Variants in TMC1 observed in about 807,000 individuals in gnomAD.
TMC1 encodes transmembrane channel-like protein 1.
TMC1 carries 84 observed loss-of-function variants against 105.8 expected under a neutral mutation model. The observed-to-expected ratio is 0.79, with a 90% CI of 0.67 to 0.95. The LOEUF (loss-of-function observed/expected upper bound fraction) is 0.95. Among genes scored for constraint, TMC1 ranks in the 40% least tolerant of loss-of-function variants. The pLI, the probability that TMC1 is intolerant of heterozygous loss-of-function variation, is 0.00. For synonymous variants in TMC1, 315 were observed against 311.5 expected, an observed-to-expected ratio of 1.01 and a Z score of -0.12; for missense variants, 817 against 914.1, an observed-to-expected ratio of 0.89 and a Z score of 1.37.
intron 17 of TMC1, among the ~76,000 whole-genome samples, chr9:72,799,473 T>G (rs1828432820): frequency 6.6e-6 from 1 of 152,022 alleles, no homozygotes. Context: ...AAGAAAAAAA[T>G]AAGATAAATG....
At chr9:72,825,014 A>G (rs1379990358) in intron 20 of TMC1, among the ~76,000 whole-genome samples, 2 of 152,224 alleles carry the variant, frequency 1.3e-5, no homozygotes, top group Non-Finnish European at 2.9e-5. Flanking sequence ...CTGCTATTAT[A>G]TTGGTCATTT....
At chr9:72,552,919 A>G (rs1212423855) in intron 1 of TMC1, among the ~76,000 whole-genome samples, 1 of 152,176 alleles carries the variant, frequency 6.6e-6, no homozygotes, top group Non-Finnish European at 1.5e-5. Context: ...AAATATACAT[A>G]TATACACACG....
chr9:72,541,224 C>G (rs933057777), intron 1 of TMC1, among the ~76,000 whole-genome samples: 3 of 152,202 alleles, frequency 2.0e-5, no homozygotes, highest in African/African-American at 7.2e-5. Flanking sequence ...TTTACACCAA[C>G]CAGTGTTATC....
At chr9:72,564,077 G>A (rs1824105345) in intron 1 of TMC1, among the ~76,000 whole-genome samples, 1 of 152,074 alleles carries the variant, frequency 6.6e-6, no homozygotes, top group South Asian at 2.1e-4. Context: ...CACTTGTGGG[G>A]AAAGAAGAAA....
intron 23 of TMC1, among the ~76,000 whole-genome samples, chr9:72,831,104 G>A (rs1435791069): frequency 3.9e-5 from 6 of 152,076 alleles, no homozygotes; most frequent in Admixed American, 3.9e-4. Flanking sequence ...ACCACTGATT[G>A]CCAGAAGCCC....
At chr9:72,688,023 T>C (rs1009046240) in intron 5 of TMC1, among the ~76,000 whole-genome samples, 2 of 152,250 alleles carry the variant, frequency 1.3e-5, no homozygotes, top group African/African-American at 4.8e-5. Flanking sequence ...TATGCCTTTA[T>C]AAAAATGAAG....
chr9:72,708,857 A>C lies in TMC1; in HGVS notation c.362+8214A>C, dbSNP rs1826787212. 1.3e-5 allele frequency among the ~76,000 whole-genome samples: 2 copies of C among 152,174 alleles called. 1 individual carries two copies. The highest frequency in any genetic ancestry group is 4.2e-4 in the South Asian group (2 of 4,812). ...GTTCTCAGAGGGAATGCTTTCAACT[A>C]TTCCCTGTTCAGTATTATGTTGGCT... On this transcript the variant is annotated intron_variant, in intron 8 of 23. Coordinates refer to ENST00000297784, the MANE Select transcript of TMC1 (RefSeq NM_138691.3).
chr9:72,778,331 C>T (rs1033374189), intron 13 of TMC1, among the ~76,000 whole-genome samples: 5 of 152,128 alleles, frequency 3.3e-5, no homozygotes, highest in African/African-American at 1.2e-4. Context: ...AGGATGTAGA[C>T]TCTGTGCTGA....
intron 8 of TMC1, among the ~76,000 whole-genome samples, chr9:72,734,643 C>T (rs571392882): frequency 1.9e-3 from 293 of 152,144 alleles, no homozygotes; most frequent in Middle Eastern, 6.8e-3. Context: ...AAGCCAGATT[C>T]TCTGGACTAT....
chr9:72,770,396 T>C (rs1827906387), intron 12 of TMC1, among the ~76,000 whole-genome samples: 1 of 146,602 alleles, frequency 6.8e-6, no homozygotes, highest in Non-Finnish European at 1.5e-5. Flanking sequence ...TATATATATA[T>C]ATATGCATAT....
At chr9:72,641,138 G>A (rs187116779) in intron 4 of TMC1, among the ~76,000 whole-genome samples, 5 of 152,142 alleles carry the variant, frequency 3.3e-5, no homozygotes, top group African/African-American at 1.2e-4. Context: ...CTGTTGCCCA[G>A]TCTGGAATGC....
intron 1 of TMC1, among the ~76,000 whole-genome samples, chr9:72,563,898 TC>T (rs1236063054): frequency 2.6e-4 from 5 of 19,392 alleles, no homozygotes; most frequent in African/African-American, 2.0e-3. Context: ...AAACTCTGGC[TC>T]AAAAAAAAAA....
chr9:72,721,109 C>T (rs1427047200), intron 8 of TMC1, among the ~76,000 whole-genome samples: 3 of 152,146 alleles, frequency 2.0e-5, no homozygotes, highest in Non-Finnish European at 1.5e-5. Flanking sequence ...AAATATGCCT[C>T]ATTGACGTAA....
intron 2 of TMC1, among the ~76,000 whole-genome samples, chr9:72,601,020 G>T (rs1389600467): frequency 6.6e-6 from 1 of 152,244 alleles, no homozygotes; most frequent in South Asian, 2.1e-4. Flanking sequence ...CCAAATACAG[G>T]TTGAATATCC....
chr9:72,706,716 C>G (rs1826745776), intron 8 of TMC1, among the ~76,000 whole-genome samples: 3 of 151,906 alleles, frequency 2.0e-5, no homozygotes, highest in Non-Finnish European at 4.4e-5. Flanking sequence ...GAATAATAGT[C>G]TCCAGTTGTA....
intron 10 of TMC1, among the ~76,000 whole-genome samples, chr9:72,743,368 C>CAA (rs57505302): frequency 7.3e-5 from 8 of 110,170 alleles, no homozygotes; most frequent in Admixed American, 1.9e-4. Flanking sequence ...CTCCGTCTCA[C>CAA]AAAAAAAAAA....
intron 17 of TMC1, among the ~76,000 whole-genome samples, chr9:72,799,218 A>G (rs1478083449): frequency 6.6e-6 from 1 of 152,086 alleles, no homozygotes; most frequent in Non-Finnish European, 1.5e-5. Flanking sequence ...TCAGATTATC[A>G]TTGAGAACAG....
At chr9:72,787,672 T>TAC (rs533867065) in intron 13 of TMC1, among the ~76,000 whole-genome samples, 85 of 151,410 alleles carry the variant, frequency 5.6e-4, no homozygotes, top group African/African-American at 1.9e-3. Context: ...CACATATATA[T>TAC]ACACACACAC....
At chr9:72,545,856 A>T (rs1388190091) in intron 1 of TMC1, among the ~76,000 whole-genome samples, 1 of 152,182 alleles carries the variant, frequency 6.6e-6, no homozygotes, top group Non-Finnish European at 1.5e-5. Flanking sequence ...AGTAATTTTC[A>T]CAAATTTTAA....
Sources: gnomAD v4.1 joint callset for allele counts (sites outside exome capture counted in the v4.1 genomes callset) on GRCh38, gnomAD v4.1.1 for gene constraint, MANE v1.5 for transcripts, NCBI Gene and HGNC (gene_info 2026-07-23, HGNC 2026-07-21) for gene names.